The following DOK6 variants were observed in gnomAD, a reference collection of about 807,000 sequenced individuals.
The protein encoded by DOK6 is downstream of tyrosine kinase 6.
A neutral mutation model predicts 44.0 loss-of-function variants in DOK6; 22 were observed. The observed-to-expected ratio is 0.50, with a 90% CI of 0.36 to 0.71. The LOEUF (loss-of-function observed/expected upper bound fraction) is 0.71. Ranked by LOEUF, DOK6 falls within the 30% of genes least tolerant of loss-of-function variation. DOK6 has a pLI of 0.00. For synonymous variants in DOK6, 166 were observed against 145.5 expected, an observed-to-expected ratio of 1.14 and a Z score of -1.01; for missense variants, 340 against 416.4, an observed-to-expected ratio of 0.82 and a Z score of 1.60.
intron 7 of DOK6, among the ~76,000 whole-genome samples, chr18:69,814,113 G>A (rs1228589578): frequency 6.6e-6 from 1 of 151,938 alleles, no homozygotes; most frequent in African/African-American, 2.4e-5. Flanking sequence ...GGATGGGAGA[G>A]ACACCCAGGG....
chr18:69,678,779 T>A (rs975787034), intron 4 of DOK6, among the ~76,000 whole-genome samples: 1 of 152,214 alleles, frequency 6.6e-6, no homozygotes, highest in African/African-American at 2.4e-5. Context: ...CACCACCAGA[T>A]GATTGAATAG....
At chr18:69,695,426 G>T (rs188639744) in intron 4 of DOK6, among the ~76,000 whole-genome samples, 1 of 152,164 alleles carries the variant, frequency 6.6e-6, no homozygotes, top group African/African-American at 2.4e-5. Flanking sequence ...GATTTAAAAC[G>T]CCTGCTTGAT....
At chr18:69,472,722 A>G (rs1342872008) in intron 1 of DOK6, among the ~76,000 whole-genome samples, 2 of 152,144 alleles carry the variant, frequency 1.3e-5, no homozygotes, top group African/African-American at 4.8e-5. Context: ...AAACATACAC[A>G]CATACACGCA....
At chr18:69,613,585 AT>A (rs1178958522) in intron 3 of DOK6, among the ~76,000 whole-genome samples, 6 of 152,166 alleles carry the variant, frequency 3.9e-5, no homozygotes, top group Non-Finnish European at 7.3e-5. Context: ...GAGCGGTTCT[AT>A]TGAGGATCCA....
intron 1 of DOK6, among the ~76,000 whole-genome samples, chr18:69,427,170 T>C (rs960062770): frequency 1.3e-5 from 2 of 152,078 alleles, no homozygotes; most frequent in Non-Finnish European, 2.9e-5. Flanking sequence ...GCAAAAGACA[T>C]GTGCTGTCTC....
At chr18:69,708,837 A>G (rs1478736299) in intron 5 of DOK6, among the ~76,000 whole-genome samples, 1 of 151,968 alleles carries the variant, frequency 6.6e-6, no homozygotes, top group Non-Finnish European at 1.5e-5. Context: ...GAAAGCTGTA[A>G]CACAGGTATA....
intron 6 of DOK6, among the ~76,000 whole-genome samples, chr18:69,755,344 A>G (rs1480631313): frequency 3.9e-5 from 6 of 152,306 alleles, no homozygotes; most frequent in Admixed American, 1.3e-4. Context: ...AAGAAAAAGC[A>G]CTTTCATCAC....
chr18:69,828,750 T>C (rs181381594), intron 7 of DOK6, among the ~76,000 whole-genome samples: 112 of 150,946 alleles, frequency 7.4e-4, no homozygotes, highest in African/African-American at 2.6e-3. Flanking sequence ...GATAGGCAGT[T>C]TTCCCACTCA....
intron 5 of DOK6, among the ~76,000 whole-genome samples, chr18:69,702,154 T>TTA (rs1555725021): frequency 4.0e-5 from 6 of 149,104 alleles, no homozygotes; most frequent in Middle Eastern, 3.5e-3. Flanking sequence ...TTTTTTTTTT[T>TTA]AAATATCATT....
chr18:69,612,639 C>T (rs1568311381), intron 3 of DOK6, among the ~76,000 whole-genome samples: 1 of 149,840 alleles, frequency 6.7e-6, no homozygotes, highest in Non-Finnish European at 1.5e-5. Context: ...TCCCCACTCC[C>T]ATAGTACCCT....
At chr18:69,643,151 A>G (rs1477455443) in intron 3 of DOK6, among the ~76,000 whole-genome samples, 2 of 152,226 alleles carry the variant, frequency 1.3e-5, no homozygotes, top group Non-Finnish European at 2.9e-5. Flanking sequence ...GTAGCTGTAC[A>G]TTCATATGAA....
intron 7 of DOK6, among the ~76,000 whole-genome samples, chr18:69,828,154 G>A (rs2145130088): frequency 6.6e-6 from 1 of 151,848 alleles, no homozygotes; most frequent in East Asian, 1.9e-4. Flanking sequence ...TATTCTTTAT[G>A]ACTGAGACTT....
chr18:69,600,196 G>C (rs1248653848), intron 3 of DOK6, among the ~76,000 whole-genome samples: 1 of 152,112 alleles, frequency 6.6e-6, no homozygotes, highest in Non-Finnish European at 1.5e-5. Flanking sequence ...CTAATGATTA[G>C]GTCTTTAGGA....
intron 7 of DOK6, among the ~76,000 whole-genome samples, chr18:69,763,844 G>A (rs1599312581): frequency 6.6e-6 from 1 of 152,148 alleles, no homozygotes; most frequent in Admixed American, 6.5e-5. Context: ...GGTACCAGGT[G>A]TACTGCAGGC....
At chr18:69,675,857 C>T (rs1985910039) in intron 3 of DOK6, among the ~76,000 whole-genome samples, 1 of 152,082 alleles carries the variant, frequency 6.6e-6, no homozygotes, top group Admixed American at 6.6e-5. Context: ...TCAATATATG[C>T]TTTTGTTGCT....
intron 1 of DOK6, among the ~76,000 whole-genome samples, chr18:69,552,368 CTAAA>C (rs753527231): frequency 2.0e-5 from 3 of 151,742 alleles, no homozygotes; most frequent in East Asian, 1.9e-4. Flanking sequence ...AAGCATTATA[CTAAA>C]TATTCTATAT....
chr18:69,537,966 G>A (rs1982166743), intron 1 of DOK6, among the ~76,000 whole-genome samples: 3 of 152,092 alleles, frequency 2.0e-5, no homozygotes, highest in Admixed American at 2.0e-4. Context: ...ATGATTGAAG[G>A]ATTTTTAAAA....
At chr18:69,599,761 C>T (rs1181575378) in intron 3 of DOK6, among the ~76,000 whole-genome samples, 2 of 152,120 alleles carry the variant, frequency 1.3e-5, no homozygotes, top group Admixed American at 6.6e-5. Context: ...TAAACAATAC[C>T]TGGCAGGTGT....
intron 1 of DOK6, among the ~76,000 whole-genome samples, chr18:69,551,628 A>T (rs1294167450): frequency 6.6e-6 from 1 of 152,192 alleles, no homozygotes; most frequent in Non-Finnish European, 1.5e-5. Flanking sequence ...AAAAAGGTAA[A>T]ACACATATAT....
Sources: allele counts gnomAD v4.1 joint callset (sites outside exome capture counted in the v4.1 genomes callset), GRCh38; gene constraint gnomAD v4.1.1; transcripts MANE v1.5; gene names NCBI Gene and HGNC (gene_info 2026-07-23, HGNC 2026-07-21).